The following MAP3K13 variants were observed in gnomAD, a reference collection of about 807,000 sequenced individuals.
MAP3K13 encodes the protein leucine zipper-bearing kinase.
In MAP3K13, 52 loss-of-function variants were observed where a neutral mutation model predicts 104.0. The ratio of observed to expected loss-of-function variants is 0.50; its 90% CI spans 0.40 to 0.63. The LOEUF is 0.63. Among genes scored for constraint, MAP3K13 ranks in the 20% least tolerant of loss-of-function variants. The pLI, the probability that MAP3K13 is intolerant of heterozygous loss-of-function variation, is 0.00. For synonymous variants in MAP3K13, 394 were observed against 442.2 expected (o/e 0.89, Z 1.37); for missense variants, 914 against 1,218.5 (o/e 0.75, Z 3.72).
chr3:185,338,465 T>A (rs929954949), intron 2 of MAP3K13, among the ~76,000 whole-genome samples: 2 of 152,246 alleles, frequency 1.3e-5, no homozygotes, highest in African/African-American at 4.8e-5. Context: ...ACAATGTACT[T>A]AAGAAATTAT....
intron 11 of MAP3K13, chr3:185,477,084 A>G (rs1226849601): frequency 1.6e-6 from 1 of 627,002 alleles, no homozygotes; most frequent in Non-Finnish European, 3.0e-6. Context: ...CTGAGGACAA[A>G]GAAAATTTCA....
Position 185,410,242 on chromosome 3 carries a change from G to A in MAP3K13, c.-85-18255G>A, listed in dbSNP as rs372678587. Among the ~76,000 whole-genome samples the A allele has an allele frequency of 1.3e-5, 2 of 152,172 alleles. 1 individual carries two copies. The highest frequency in any genetic ancestry group is 4.1e-4 in the South Asian group (2 of 4,826). On this transcript the variant is annotated intron_variant, in intron 1 of 13. Transcript: ENST00000265026. Reference sequence around the variant, plus strand: ...GAGGACATTATGTTAAGTGAAACAAGCCAGTAACAGAAAGTTAAACACCAC... The same window carrying A: ...GAGGACATTATGTTAAGTGAAACAAACCAGTAACAGAAAGTTAAACACCAC...
At chr3:185,300,225 T>C (rs1577404021) in intron 2 of MAP3K13, among the ~76,000 whole-genome samples, 3 of 150,588 alleles carry the variant, frequency 2.0e-5, no homozygotes, top group African/African-American at 7.3e-5. Context: ...AGTTTCACTC[T>C]GTTGCCCAGG....
intron 1 of MAP3K13, among the ~76,000 whole-genome samples, chr3:185,396,125 C>A (rs1712400886): frequency 6.6e-6 from 1 of 152,088 alleles, no homozygotes; most frequent in Admixed American, 6.5e-5. Context: ...AATCCCAGCA[C>A]TTTGGGAGGC....
At chr3:185,314,782 T>C (rs1398156821) in intron 2 of MAP3K13, among the ~76,000 whole-genome samples, 3 of 151,974 alleles carry the variant, frequency 2.0e-5, no homozygotes, top group Non-Finnish European at 4.4e-5. Context: ...GCACTACAGG[T>C]ACACACCACC....
At chr3:185,291,520 AT>A in intron 2 of MAP3K13, 1 of 1,154,556 alleles carries the variant, frequency 8.7e-7, no homozygotes, top group Non-Finnish European at 1.2e-6. Context: ...TAGTAATCTG[AT>A]TAATTACTGA....
At chr3:185,305,927 T>G (rs1279081915) in intron 2 of MAP3K13, among the ~76,000 whole-genome samples, 2 of 152,172 alleles carry the variant, frequency 1.3e-5, no homozygotes, top group East Asian at 1.9e-4. Context: ...TCTCCCTTCC[T>G]CCCCTTCCTC....
intron 1 of MAP3K13, among the ~76,000 whole-genome samples, chr3:185,415,054 T>C (rs1713667435): frequency 6.6e-6 from 1 of 152,244 alleles, no homozygotes; most frequent in Non-Finnish European, 1.5e-5. Flanking sequence ...TCTCACTTGC[T>C]TAGAGTCATG....
intron 7 of MAP3K13, among the ~76,000 whole-genome samples, chr3:185,455,124 TGA>T (rs1168859704): frequency 8.4e-6 from 1 of 118,818 alleles, no homozygotes; most frequent in Non-Finnish European, 1.6e-5. Context: ...GAGATATATG[TGA>T]GATATATATA....
At chr3:185,378,541 G>A (rs982466252) in intron 1 of MAP3K13, among the ~76,000 whole-genome samples, 1 of 152,128 alleles carries the variant, frequency 6.6e-6, no homozygotes, top group Non-Finnish European at 1.5e-5. Context: ...GGTGATAGAA[G>A]GATTATAGGG....
chr3:185,343,856 C>G (rs1421567610), intron 2 of MAP3K13, among the ~76,000 whole-genome samples: 1 of 152,110 alleles, frequency 6.6e-6, no homozygotes, highest in Non-Finnish European at 1.5e-5. Flanking sequence ...TAGTTAGAAA[C>G]AGCTTGGCAT....
upstream of MAP3K13, among the ~76,000 whole-genome samples, chr3:185,361,098 ATGTGTGTGTG>A (rs34760922): frequency 3.4e-5 from 5 of 146,624 alleles, no homozygotes; most frequent in African/African-American, 7.5e-5. Flanking sequence ...ATATATATAT[ATGTGTGTGTG>A]TGTGTGTGTG....
chr3:185,433,003 A>G (rs1203924725), intron 2 of MAP3K13, among the ~76,000 whole-genome samples: 9 of 152,216 alleles, frequency 5.9e-5, no homozygotes, highest in East Asian at 1.9e-4. Flanking sequence ...ATTGCAGTCA[A>G]CCGAAGGCTA....
chr3:185,379,119 C>G (rs1479637322), intron 1 of MAP3K13, among the ~76,000 whole-genome samples: 1 of 152,120 alleles, frequency 6.6e-6, no homozygotes, highest in Non-Finnish European at 1.5e-5. Context: ...GCAGCCAAAG[C>G]AGGTGTCCCT....
In MAP3K13 at chr3:185,418,310, T is replaced by C; in HGVS notation, c.-85-10187T>C. 6.3e-7 allele frequency: 1 copy of C among 1,582,410 alleles called. No homozygotes were observed. Among genetic ancestry groups the C allele is most frequent in the Non-Finnish European group, 8.7e-7 (1 of 1,152,946 alleles). ...TTGGTCTTCTTGTAGCCTTCAACTT[T>C]ATCTTCAAATACCAAAGGAAGTTCA... On this transcript the variant is annotated intron_variant, in intron 1 of 13. Coordinates refer to ENST00000265026, the MANE Select transcript of MAP3K13 (RefSeq NM_004721.5). The surrounding 1 kb of genome is among the most constrained non-coding windows in gnomAD (Gnocchi z 4.5).
In MAP3K13 at chr3:185,455,830, GAGAT is replaced by G. The variant is rs1289088165; in HGVS notation, c.1278+4437_1278+4440del. On this transcript the variant is annotated intron_variant, in intron 7 of 13. Coordinates refer to ENST00000265026, the MANE Select transcript of MAP3K13 (RefSeq NM_004721.5). ...TGAGATATATATATGAGATATATAT[GAGAT>G]ATATATATGAGATATATATGAGATA... Among the ~76,000 whole-genome samples, 22 of 98,650 alleles carry G rather than the reference GAGAT, an allele frequency of 2.2e-4. 1 individual carries two copies. The highest frequency in any genetic ancestry group is 6.6e-4 in the East Asian group (2 of 3,038). 64.7% of individuals were successfully genotyped at this position (98,650 alleles called of 152,430 possible).
At chr3:185,285,802 A>G (rs1288423418) in intron 2 of MAP3K13, among the ~76,000 whole-genome samples, 1 of 152,156 alleles carries the variant, frequency 6.6e-6, no homozygotes, top group Non-Finnish European at 1.5e-5. Context: ...ATATGAAGCA[A>G]TTGTTCTTAT....
chr3:185,346,061 G>A (rs147084356), intron 2 of MAP3K13, among the ~76,000 whole-genome samples: 3 of 152,214 alleles, frequency 2.0e-5, no homozygotes, highest in Admixed American at 6.5e-5. Context: ...ATTTTCATGT[G>A]TGGAATACAT....
intron 1 of MAP3K13, among the ~76,000 whole-genome samples, chr3:185,369,061 C>G (rs1030392564): frequency 2.6e-5 from 4 of 151,664 alleles, no homozygotes; most frequent in African/African-American, 9.7e-5. Flanking sequence ...ACTATGAGTT[C>G]TAAGTATTAG....
Sources: allele counts gnomAD v4.1 joint callset (sites outside exome capture counted in the v4.1 genomes callset), GRCh38; gene constraint gnomAD v4.1.1; non-coding constraint Gnocchi (gnomAD v3.1); transcripts MANE v1.5; gene names NCBI Gene and HGNC (gene_info 2026-07-23, HGNC 2026-07-21).